RPSA2: variants seen among roughly 807,000 people sequenced by gnomAD.
The protein encoded by RPSA2 is ribosomal protein SA 2.
At chr19:23,850,126 G>A in the RPSA2 span, among the ~76,000 whole-genome samples, 4 of 151,472 alleles carry the variant, frequency 2.6e-5, no homozygotes, top group African/African-American at 9.7e-5. Context: ...GTGGGGCAAT[G>A]GTCATCTCTA....
At chr19:23,791,443 T>G in the RPSA2 span, among the ~76,000 whole-genome samples, 1 of 152,202 alleles carries the variant, frequency 6.6e-6, no homozygotes, top group Non-Finnish European at 1.5e-5. Context: ...GTTTAGATTA[T>G]TTTTTAGAAG....
the RPSA2 span, among the ~76,000 whole-genome samples, chr19:23,852,604 T>A: frequency 9.7e-6 from 1 of 102,776 alleles, no homozygotes; most frequent in African/African-American, 3.7e-5. Flanking sequence ...GGCTTAAGAA[T>A]GCCTTTGAGC....
At chr19:23,836,211 A>T in the RPSA2 span, among the ~76,000 whole-genome samples, 1 of 152,052 alleles carries the variant, frequency 6.6e-6, no homozygotes, top group Non-Finnish European at 1.5e-5. Context: ...CCATTCTCAT[A>T]GCTTACCTCC....
chr19:23,846,799 T>G, the RPSA2 span, among the ~76,000 whole-genome samples: 1 of 152,232 alleles, frequency 6.6e-6, no homozygotes, highest in African/African-American at 2.4e-5. Context: ...ATTACTTCTT[T>G]CACTTTGAGT....
the RPSA2 span, among the ~76,000 whole-genome samples, chr19:23,858,635 G>A: frequency 6.6e-6 from 1 of 152,166 alleles, no homozygotes; most frequent in Non-Finnish European, 1.5e-5. Flanking sequence ...TGCAAACATA[G>A]ATAACCAAGG....
the RPSA2 span, among the ~76,000 whole-genome samples, chr19:23,870,603 G>A: frequency 6.7e-3 from 1,019 of 152,218 alleles, 5 homozygotes; most frequent in African/African-American, 0.019. Flanking sequence ...ATTCCAGCAA[G>A]GCCTGGAGAG....
At chr19:23,812,813 C>T in the RPSA2 span, among the ~76,000 whole-genome samples, 11 of 152,088 alleles carry the variant, frequency 7.2e-5, no homozygotes, top group Admixed American at 7.2e-4. Flanking sequence ...GTGAGACAAA[C>T]ACTTTGTGAT....
the RPSA2 span, among the ~76,000 whole-genome samples, chr19:23,826,059 A>G: frequency 6.6e-6 from 1 of 151,570 alleles, no homozygotes; most frequent in Non-Finnish European, 1.5e-5. Context: ...ACCACAAAAT[A>G]TTTTTAAATA....
At chr19:23,868,557 T>C in the RPSA2 span, among the ~76,000 whole-genome samples, 1,888 of 152,254 alleles carry the variant, frequency 0.012, 15 homozygotes, top group Middle Eastern at 0.02. Context: ...CAAACAAAAC[T>C]AAGTTTATCT....
the RPSA2 span, among the ~76,000 whole-genome samples, chr19:23,862,609 G>A: frequency 6.6e-6 from 1 of 152,008 alleles, no homozygotes; most frequent in Non-Finnish European, 1.5e-5. Flanking sequence ...TTTTTCAAAG[G>A]CCTTTTCTGC....
At chr19:23,823,411 A>T in the RPSA2 span, among the ~76,000 whole-genome samples, 1 of 152,098 alleles carries the variant, frequency 6.6e-6, no homozygotes, top group Non-Finnish European at 1.5e-5. Flanking sequence ...CCGTATGTGG[A>T]TTGCCACTAG....
the RPSA2 span, among the ~76,000 whole-genome samples, chr19:23,814,022 TC>T: frequency 6.6e-5 from 10 of 151,602 alleles, no homozygotes; most frequent in African/African-American, 2.4e-4. Context: ...TGCCAGCCAG[TC>T]CAACATGATG....
At chr19:23,788,106 C>T in the RPSA2 span, among the ~76,000 whole-genome samples, 39 of 152,218 alleles carry the variant, frequency 2.6e-4, no homozygotes, top group African/African-American at 7.0e-4. Context: ...AATGATAGGT[C>T]TCTCCTTATC....
chr19:23,826,929 A>G, the RPSA2 span: 3 of 526,596 alleles, frequency 5.7e-6, no homozygotes, highest in Middle Eastern at 5.3e-4. Context: ...TTACCTTGTG[A>G]TCTGCCTGCC....
At chr19:23,847,999 G>A in the RPSA2 span, among the ~76,000 whole-genome samples, 3 of 152,082 alleles carry the variant, frequency 2.0e-5, no homozygotes, top group Non-Finnish European at 4.4e-5. Context: ...CCCTAAAATC[G>A]CTGCTATTCT....
chr19:23,845,461 T>G, the RPSA2 span, among the ~76,000 whole-genome samples: 4 of 152,164 alleles, frequency 2.6e-5, no homozygotes, highest in South Asian at 8.3e-4. Flanking sequence ...TGTTTCTATT[T>G]CCATCTTTTT....
chr19:23,825,440 A>G, the RPSA2 span, among the ~76,000 whole-genome samples: 1 of 152,174 alleles, frequency 6.6e-6, no homozygotes, highest in African/African-American at 2.4e-5. Context: ...AATGAGCTAT[A>G]CGTCTTTTTC....
the RPSA2 span, chr19:23,832,691 A>G: frequency 1.3e-6 from 2 of 1,504,324 alleles, no homozygotes; most frequent in Non-Finnish European, 1.8e-6. Flanking sequence ...ACTGGTCATA[A>G]GAGGATGCAC....
chr19:23,815,726 T>C, the RPSA2 span, among the ~76,000 whole-genome samples: 1 of 152,160 alleles, frequency 6.6e-6, no homozygotes, highest in African/African-American at 2.4e-5. Context: ...GAATTTTCTA[T>C]TTATTATTAA....
Sources: allele counts gnomAD v4.1 joint callset (sites outside exome capture counted in the v4.1 genomes callset), GRCh38; gene constraint gnomAD v4.1.1; transcripts MANE v1.5; gene names NCBI Gene and HGNC (gene_info 2026-07-23, HGNC 2026-07-21).